Variants in VAV2 observed in about 807,000 individuals in gnomAD.
VAV2 encodes guanine nucleotide exchange factor VAV2.
A neutral mutation model predicts 132.5 loss-of-function variants in VAV2; 67 were observed. The observed-to-expected ratio is 0.51, with a 90% confidence interval of 0.42 to 0.62. The LOEUF is 0.62. VAV2 is among the 20% of genes least tolerant of loss of function. The pLI is 0.00. For missense variants in VAV2, 938 were observed against 1,153.6 expected (o/e 0.81, Z 2.71); for synonymous variants, 492 against 443.5 (o/e 1.11, Z -1.37).
At chr9:133,775,972 C>T in intron 24 of VAV2, 56 bp downstream of exon 24, 2 of 1,555,158 alleles carry the variant, frequency 1.3e-6, no homozygotes, top group Non-Finnish European at 1.7e-6. Flanking sequence ...GGCGGGCATG[C>T]CCCCATAACA....
chr9:133,772,102 C>T, intron 25 of VAV2, 56 bp from the exon 26 acceptor site: 1 of 1,349,206 alleles, frequency 7.4e-7, no homozygotes, highest in Non-Finnish European at 1.0e-6. Flanking sequence ...GGCCCCGGCC[C>T]CCTTGGCAGC....
intron 2 of VAV2, among the ~76,000 whole-genome samples, chr9:133,881,193 C>T (rs746720180): frequency 6.6e-5 from 10 of 152,250 alleles, no homozygotes; most frequent in Non-Finnish European, 1.3e-4. Flanking sequence ...ACCCGGAGAA[C>T]TTGTCCCCAG....
rs770155464 is a variant in VAV2 at position 133,770,364 on chromosome 9, G to T, written c.2347+14C>A. Reference sequence around the variant, plus strand: ...CCGAGGAGTGCTGGTGTGCCGGCTGGGCCGGGGCGTTACCTGGGGACCGGC... The same window carrying T: ...CCGAGGAGTGCTGGTGTGCCGGCTGTGCCGGGGCGTTACCTGGGGACCGGC... On this transcript the variant is annotated intron_variant, in intron 27 of 29. Coordinates refer to ENST00000371850, the MANE Select transcript of VAV2 (RefSeq NM_001134398.2). 8.1e-6 allele frequency: 13 copies of T among 1,613,676 alleles called. No homozygotes were observed. The Admixed American group carries it at 1.7e-4, about 21-fold the overall frequency.
intron 1 of VAV2, among the ~76,000 whole-genome samples, chr9:133,981,164 T>C (rs1842681641): frequency 6.6e-6 from 1 of 152,164 alleles, no homozygotes; most frequent in South Asian, 2.1e-4. Flanking sequence ...CAGGTTTTCC[T>C]CACTCATGGT....
intron 2 of VAV2, among the ~76,000 whole-genome samples, chr9:133,864,473 T>C (rs747473800): frequency 1.3e-5 from 2 of 152,226 alleles, no homozygotes; most frequent in South Asian, 2.1e-4. Context: ...GTCTGGATCC[T>C]GGATGGCAGC....
intron 2 of VAV2, among the ~76,000 whole-genome samples, chr9:133,917,892 G>GACCCTGGTCCCCC: frequency 6.6e-6 from 1 of 152,074 alleles, no homozygotes; most frequent in Non-Finnish European, 1.5e-5. Flanking sequence ...GCCTCCTGGA[G>GACCCTGGTCCCCC]ACCCTGGTCC....
At chr9:133,829,081 C>G (rs1455306821) in intron 4 of VAV2, among the ~76,000 whole-genome samples, 1 of 152,222 alleles carries the variant, frequency 6.6e-6, no homozygotes, top group Non-Finnish European at 1.5e-5. Flanking sequence ...TGGGAGCCCC[C>G]CAGTGCAGGC....
intron 1 of VAV2, among the ~76,000 whole-genome samples, chr9:133,981,110 A>G (rs1307640455): frequency 1.3e-5 from 2 of 152,182 alleles, no homozygotes; most frequent in Admixed American, 1.3e-4. Flanking sequence ...GGGGAGAAGC[A>G]GGAGACGGGG....
intron 3 of VAV2, among the ~76,000 whole-genome samples, chr9:133,850,808 A>G (rs2428124): frequency 0.22 from 32,836 of 152,142 alleles, 4,443 homozygotes; most frequent in African/African-American, 0.39. Context: ...TCACACCCTC[A>G]GGCTCTTCCT....
intron 4 of VAV2, among the ~76,000 whole-genome samples, chr9:133,816,737 AAAAC>A (rs908708864): frequency 1.6e-4 from 25 of 152,348 alleles, no homozygotes; most frequent in Admixed American, 9.1e-4. Context: ...TGACTCTTAG[AAAAC>A]AAACAAACAA....
intron 13 of VAV2, among the ~76,000 whole-genome samples, chr9:133,790,855 C>T (rs1342766040): frequency 6.6e-6 from 1 of 152,146 alleles, no homozygotes; most frequent in Non-Finnish European, 1.5e-5. Context: ...GGGGACCTTC[C>T]CCTGCCAGCT....
chr9:133,866,829 C>G (rs997604393), intron 2 of VAV2, among the ~76,000 whole-genome samples: 14 of 150,044 alleles, frequency 9.3e-5, no homozygotes, highest in African/African-American at 3.4e-4. Flanking sequence ...AAAAGAGGAG[C>G]CTGCCAATTT....
intron 4 of VAV2, among the ~76,000 whole-genome samples, chr9:133,832,161 G>C (rs1364218824): frequency 6.6e-6 from 1 of 152,218 alleles, no homozygotes; most frequent in Admixed American, 6.5e-5. Context: ...ATAGGCAGGG[G>C]ACAGGCATTT....
chr9:133,778,859 T>C lies in VAV2; in HGVS notation c.1793A>G (p.His598Arg), dbSNP rs948700593. The change falls in exon 22 of 30, where the codon CAT becomes CGT. Residue 598 changes from histidine to arginine, a missense_variant. Coordinates refer to ENST00000371850, the MANE Select transcript of VAV2 (RefSeq NM_001134398.2). ...GPKMVAMQNYHGNPAPPGKPV... is the reference protein window; with the variant it reads ...GPKMVAMQNYRGNPAPPGKPV... ...CTTCCCGGGAGGGGCTGGGTTGCCA[T>C]GGTAATTCTGCATGGCCACCATCTT... 1 of 1,612,692 alleles carries C rather than the reference T, an allele frequency of 6.2e-7. No individual in the cohort carries two copies. Among genetic ancestry groups the C allele is most frequent in the Non-Finnish European group, 8.5e-7 (1 of 1,179,826 alleles).
chr9:133,933,625 G>GTGGA (rs1315445880), intron 2 of VAV2, among the ~76,000 whole-genome samples: 4 of 150,292 alleles, frequency 2.7e-5, no homozygotes, highest in Non-Finnish European at 4.4e-5. Flanking sequence ...AAATGAGTGG[G>GTGGA]TGGATGGATG....
chr9:133,980,180 T>A (rs928575545), intron 1 of VAV2, among the ~76,000 whole-genome samples: 2 of 151,916 alleles, frequency 1.3e-5, no homozygotes, highest in African/African-American at 2.4e-5. Flanking sequence ...TCTCCCAACC[T>A]CCCACCAACC....
At chr9:133,903,598 T>C (rs1022271089) in intron 2 of VAV2, among the ~76,000 whole-genome samples, 1 of 152,186 alleles carries the variant, frequency 6.6e-6, no homozygotes, top group African/African-American at 2.4e-5. Flanking sequence ...AAGTCGGACA[T>C]GGCCTCAGCC....
chr9:133,985,454 G>A (rs915811992), intron 1 of VAV2, among the ~76,000 whole-genome samples: 2 of 152,100 alleles, frequency 1.3e-5, no homozygotes, highest in African/African-American at 4.8e-5. Flanking sequence ...GCTAATTTTT[G>A]CATTTTTAGT....
At chr9:133,954,701 T>C (rs1175726664) in intron 1 of VAV2, among the ~76,000 whole-genome samples, 1 of 152,168 alleles carries the variant, frequency 6.6e-6, no homozygotes, top group East Asian at 1.9e-4. Flanking sequence ...GCGTGTGGGG[T>C]GCCCATGCAC....
Sources: allele counts gnomAD v4.1 joint callset (sites outside exome capture counted in the v4.1 genomes callset), GRCh38; gene constraint gnomAD v4.1.1; transcripts MANE v1.5; gene names NCBI Gene and HGNC (gene_info 2026-07-23, HGNC 2026-07-21).